Variants in TTYH3 observed in about 807,000 individuals in gnomAD.
TTYH3 encodes the protein tweety family member 3, also known as protein tweety homolog 3.
In TTYH3, 23 loss-of-function variants were observed where a neutral mutation model predicts 68.2. The observed-to-expected ratio is 0.34, with a 90% confidence interval of 0.24 to 0.48. TTYH3 has a LOEUF of 0.48. TTYH3 is among the 20% of genes least tolerant of loss of function. The pLI is 0.99. For synonymous variants in TTYH3, 360 were observed against 332.8 expected (o/e 1.08, Z -0.89); for missense variants, 768 against 727.7 (o/e 1.06, Z -0.64).
At chr7:2,641,538 G>A (rs1046907462) in intron 1 of TTYH3, among the ~76,000 whole-genome samples, 2 of 152,228 alleles carry the variant, frequency 1.3e-5, no homozygotes, top group Non-Finnish European at 2.9e-5. Flanking sequence ...GGAACCCAGC[G>A]TGCAGTTTTC....
chr7:2,647,103 G>T (rs1382849733), intron 2 of TTYH3, 39 bp from the exon 3 acceptor site: 27 of 1,555,324 alleles, frequency 1.7e-5, no homozygotes, highest in East Asian at 4.7e-5. Flanking sequence ...GGTGTGTGTG[G>T]GTGGGCGGGG....
chr7:2,659,030 A>G lies in TTYH3; in HGVS notation c.1500+15A>G, dbSNP rs777256787. 3 of 1,609,324 alleles carry G rather than the reference A, an allele frequency of 1.9e-6. No homozygotes were observed. The highest frequency in any genetic ancestry group is 2.5e-6 in the Non-Finnish European group (3 of 1,176,758). On this transcript the variant is annotated intron_variant, in intron 13 of 13. Transcript: ENST00000258796. The stretch of plus-strand genomic sequence containing the variant: ...CGCCGCCCTCAGTAAGTCTTGGGGC[A>G]GGAGGGTGGATGGGGGGCTGCTCAG...
At chr7:2,654,921 C>T (rs1310576410) in intron 9 of TTYH3, among the ~76,000 whole-genome samples, 1 of 152,052 alleles carries the variant, frequency 6.6e-6, no homozygotes, top group African/African-American at 2.4e-5. Context: ...ATTACAGGCG[C>T]CTGCAGCGCA....
At chr7:2,657,400 G>GAT (rs1433044073) in intron 11 of TTYH3, among the ~76,000 whole-genome samples, 1 of 135,544 alleles carries the variant, frequency 7.4e-6, no homozygotes, top group African/African-American at 3.4e-5. Flanking sequence ...TGATGATGGT[G>GAT]GTGGTGGTTG....
At chr7:2,646,604 C>G (rs1785990230) in intron 1 of TTYH3, among the ~76,000 whole-genome samples, 4 of 152,346 alleles carry the variant, frequency 2.6e-5, no homozygotes, top group Admixed American at 2.6e-4. Context: ...ATGGAGTCTT[C>G]ATGCTGTGCA....
rs190191097 is a variant in TTYH3, at chr7:2,643,387, G to A, written c.124-3466G>A. Among the ~76,000 whole-genome samples, 142 of 149,592 alleles carry A rather than the reference G, an allele frequency of 9.5e-4. 2 individuals are homozygous for A. Among genetic ancestry groups the A allele is most frequent in the South Asian group, 1.7e-3 (8 of 4,734 alleles). The stretch of plus-strand genomic sequence containing the variant: ...AAAAAAAAAAAATCGTAGAGTCCCC[G>A]GTACTCCAGCTCCTGTGCTGCCTTT... On this transcript the variant is annotated intron_variant, in intron 1 of 13. Coordinates refer to ENST00000258796, the MANE Select transcript of TTYH3 (RefSeq NM_025250.3).
chr7:2,661,020 C>T (rs527827617), intron 13 of TTYH3, among the ~76,000 whole-genome samples: 15 of 152,320 alleles, frequency 9.8e-5, no homozygotes, highest in Admixed American at 2.0e-4. Flanking sequence ...CCCCTGCAGC[C>T]GCCTCTGTTC....
At chr7:2,659,668 G>A (rs1786437257) in intron 13 of TTYH3, among the ~76,000 whole-genome samples, 1 of 152,130 alleles carries the variant, frequency 6.6e-6, no homozygotes, top group Admixed American at 6.5e-5. Context: ...TACCAGGACA[G>A]GGCTTGGGAG....
intron 1 of TTYH3, among the ~76,000 whole-genome samples, chr7:2,634,517 T>C (rs1235403348): frequency 7.2e-6 from 1 of 139,420 alleles, no homozygotes; most frequent in African/African-American, 2.6e-5. Flanking sequence ...CAACCTGGGC[T>C]GTGCCCTGCT....
intron 1 of TTYH3, among the ~76,000 whole-genome samples, chr7:2,644,960 C>T (rs914822676): frequency 1.3e-5 from 2 of 152,242 alleles, no homozygotes; most frequent in Non-Finnish European, 2.9e-5. Context: ...GGCAGGGGAC[C>T]ATCTGCCCCA....
chr7:2,658,282 A>C lies in TTYH3; in HGVS notation c.1251-4A>C, dbSNP rs770769646. The C allele has an allele frequency of 1.3e-6, 2 of 1,559,086 alleles. No individual in the cohort carries two copies. The highest frequency in any genetic ancestry group is 4.6e-5 in the East Asian group (2 of 43,458). On this transcript the variant is annotated splice_polypyrimidine_tract_variant and splice_region_variant and intron_variant, in intron 11 of 13. Transcript: ENST00000258796. ...GAGCCCGTGCTGCGTGTCCCTCCTCACAGAGGCCCTGATGAGGACGGGGAG... is the reference window on the plus strand; with the variant it reads ...GAGCCCGTGCTGCGTGTCCCTCCTCCCAGAGGCCCTGATGAGGACGGGGAG...
intron 1 of TTYH3, among the ~76,000 whole-genome samples, chr7:2,639,827 G>A (rs939138602): frequency 2.6e-5 from 4 of 152,136 alleles, no homozygotes; most frequent in Admixed American, 1.3e-4. Context: ...GAGCTGGCAC[G>A]AGGGGCGGGG....
intron 1 of TTYH3, among the ~76,000 whole-genome samples, chr7:2,637,450 T>C (rs1785709610): frequency 1.3e-5 from 2 of 151,850 alleles, no homozygotes; most frequent in Admixed American, 6.6e-5. Flanking sequence ...CCGGCCAGCA[T>C]GGGGGGCCGG....
At chr7:2,648,717 G>A (rs1786070080) in intron 5 of TTYH3, among the ~76,000 whole-genome samples, 1 of 152,090 alleles carries the variant, frequency 6.6e-6, no homozygotes, top group African/African-American at 2.4e-5. Context: ...ACCCTGGAGA[G>A]GAAAAGCCGG....
intron 1 of TTYH3, 70 bp downstream of exon 1, chr7:2,632,348 C>T (rs1785545195): frequency 3.6e-6 from 5 of 1,391,382 alleles, no homozygotes; most frequent in Non-Finnish European, 3.8e-6. Flanking sequence ...CCCAGGGTCA[C>T]GGCCCCCATC....
rs1006485353 is a variant in TTYH3 at position 2,656,280 on chromosome 7, G to T, written c.1113+96G>T. On this transcript the variant is annotated intron_variant, in intron 10 of 13. Transcript: ENST00000258796. ...GGATGGGGACCCTCAGCAGACAGTG[G>T]GTCCTCAGCCCTGCCTCTGGGGGGC... 7 of 1,563,512 alleles carry T rather than the reference G, an allele frequency of 4.5e-6. No homozygotes were observed. In the Admixed American group the frequency reaches 1.0e-4, roughly 23 times the overall value.
rs1311954264 is a variant in TTYH3 at position 2,647,404 on chromosome 7, C to T, written c.406-14C>T. ...GGGCGCGCTCCCAGCCTCACGCCCG[C>T]GGGTCCGGCGCAGGTGTGGGACACG... On this transcript the variant is annotated splice_polypyrimidine_tract_variant and intron_variant, in intron 3 of 13. Coordinates refer to ENST00000258796, the MANE Select transcript of TTYH3 (RefSeq NM_025250.3). 2.7e-6 allele frequency: 4 copies of T among 1,476,888 alleles called. No individual in the cohort carries two copies. Among genetic ancestry groups the T allele is most frequent in the Non-Finnish European group, 3.6e-6 (4 of 1,118,998 alleles). 91.5% of individuals were successfully genotyped at this position (1,476,888 alleles called of 1,614,324 possible). A position where few individuals can be genotyped will look rare whatever the true frequency, so the allele number is the denominator to read the frequency against.
intron 1 of TTYH3, among the ~76,000 whole-genome samples, chr7:2,646,055 C>A (rs1490081694): frequency 6.6e-6 from 1 of 151,972 alleles, no homozygotes; most frequent in Non-Finnish European, 1.5e-5. Context: ...GCTCTTGTCG[C>A]CCAGGCTGGA....
In TTYH3 at chr7:2,632,120, C is replaced by T. The variant is rs1785537684; in HGVS notation, c.-36C>T. 2.3e-6 allele frequency: 3 copies of T among 1,325,702 alleles called. No homozygotes were observed. Among genetic ancestry groups the T allele is most frequent in the Non-Finnish European group, 1.9e-6 (2 of 1,031,920 alleles). The allele number at this position is 1,325,702 out of a possible 1,614,324, so 82.1% of individuals were successfully genotyped here. ...CCCGGGCCAGCAAGGGAGCCCCGCG[C>T]AGGCCGCGCGCATCCGGAGGCGGCC... On this transcript the variant is annotated 5_prime_UTR_variant, in exon 1 of 14. Transcript: ENST00000258796.
Sources: gnomAD v4.1 joint callset for allele counts (sites outside exome capture counted in the v4.1 genomes callset) on GRCh38, gnomAD v4.1.1 for gene constraint, MANE v1.5 for transcripts, NCBI Gene and HGNC (gene_info 2026-07-23, HGNC 2026-07-21) for gene names.